Variants in RASAL2 observed in about 807,000 individuals in gnomAD.
RASAL2 encodes RAS protein activator like 2.
RASAL2 carries 58 observed loss-of-function variants against 128.9 expected under a neutral mutation model. The observed-to-expected ratio is 0.45, with a 90% CI of 0.36 to 0.56. RASAL2 has a LOEUF of 0.56. Ranked by LOEUF, RASAL2 falls within the 20% of genes least tolerant of loss-of-function variation. The pLI is 0.00. For synonymous variants in RASAL2, 561 were observed against 580.8 expected (o/e 0.97, Z 0.49); for missense variants, 1,360 against 1,601.6 (o/e 0.85, Z 2.57).
At chr1:178,267,019 TG>T (rs1180701798) in intron 1 of RASAL2, among the ~76,000 whole-genome samples, 1 of 152,128 alleles carries the variant, frequency 6.6e-6, no homozygotes, top group African/African-American at 2.4e-5. Flanking sequence ...TGGGCTTTCC[TG>T]CTAGACAAGA....
intron 3 of RASAL2, among the ~76,000 whole-genome samples, chr1:178,322,500 A>G (rs1479855352): frequency 6.6e-6 from 1 of 152,162 alleles, no homozygotes; most frequent in African/African-American, 2.4e-5. Context: ...AACTGAAGCC[A>G]TTATCTTTGA....
At chr1:178,246,203 G>A (rs951926569) in intron 1 of RASAL2, among the ~76,000 whole-genome samples, 1 of 152,156 alleles carries the variant, frequency 6.6e-6, no homozygotes, top group Admixed American at 6.5e-5. Flanking sequence ...CCATGAGCAT[G>A]GAATTTTTTT....
At chr1:178,464,628 TA>T (rs1405877911) in intron 15 of RASAL2, among the ~76,000 whole-genome samples, 2 of 150,136 alleles carry the variant, frequency 1.3e-5, no homozygotes, top group Non-Finnish European at 3.0e-5. Flanking sequence ...TTCATCTTGC[TA>T]GGGGGTGGCA....
At chr1:178,413,315 T>C (rs1459491722) in intron 4 of RASAL2, among the ~76,000 whole-genome samples, 1 of 152,192 alleles carries the variant, frequency 6.6e-6, no homozygotes, top group Non-Finnish European at 1.5e-5. Context: ...AGAGCCTAAC[T>C]GATCAGAAGG....
At chr1:178,280,489 T>C (rs1273479378) in intron 1 of RASAL2, among the ~76,000 whole-genome samples, 2 of 152,022 alleles carry the variant, frequency 1.3e-5, no homozygotes, top group East Asian at 3.9e-4. Flanking sequence ...AATATTGATA[T>C]AACCCATATA....
intron 1 of RASAL2, among the ~76,000 whole-genome samples, chr1:178,188,470 G>C (rs956604204): frequency 6.6e-6 from 1 of 152,026 alleles, no homozygotes; most frequent in African/African-American, 2.4e-5. Context: ...CATATATTTT[G>C]TCTGGTTTTC....
At chr1:178,183,993 C>CT (rs1489747297) in intron 1 of RASAL2, among the ~76,000 whole-genome samples, 1 of 152,114 alleles carries the variant, frequency 6.6e-6, no homozygotes. Flanking sequence ...TTTAGCCAGT[C>CT]TAATAGGTAT....
chr1:178,173,972 A>G (rs1424333264), intron 1 of RASAL2, among the ~76,000 whole-genome samples: 1 of 150,986 alleles, frequency 6.6e-6, no homozygotes, highest in Non-Finnish European at 1.5e-5. Context: ...CCCCACTATT[A>G]GTTATTTCCA....
At chr1:178,139,557 T>C (rs1660456732) in intron 1 of RASAL2, among the ~76,000 whole-genome samples, 1 of 152,106 alleles carries the variant, frequency 6.6e-6, no homozygotes, top group South Asian at 2.1e-4. Context: ...CACAGAGTTA[T>C]TGACAAAATA....
At chr1:178,198,706 C>T (rs564576382) in intron 1 of RASAL2, among the ~76,000 whole-genome samples, 5 of 152,218 alleles carry the variant, frequency 3.3e-5, no homozygotes, top group Non-Finnish European at 5.9e-5. Flanking sequence ...CAGAGGGGCA[C>T]CTGGTTGTAT....
At chr1:178,266,774 A>G (rs1317364212) in intron 1 of RASAL2, among the ~76,000 whole-genome samples, 1 of 152,200 alleles carries the variant, frequency 6.6e-6, no homozygotes, top group Non-Finnish European at 1.5e-5. Context: ...TTGATCAGGC[A>G]TGTCATTCAT....
chr1:178,422,447 T>C (rs1675215299), intron 5 of RASAL2, among the ~76,000 whole-genome samples: 1 of 152,134 alleles, frequency 6.6e-6, no homozygotes, highest in Admixed American at 6.5e-5. Context: ...GTAACCCTTT[T>C]AATTTATCAA....
chr1:178,137,737 C>A (rs189037392), intron 1 of RASAL2, among the ~76,000 whole-genome samples: 1 of 152,270 alleles, frequency 6.6e-6, no homozygotes, highest in African/African-American at 2.4e-5. Context: ...CTTACTGACG[C>A]TTTCAAATGG....
rs79499342 is a variant in RASAL2 at position 178,476,150 on chromosome 1, A to G, written c.*2911A>G. 3 of 152,238 alleles carry G rather than the reference A, an allele frequency of 2.0e-5. No homozygotes were observed. The highest frequency in any genetic ancestry group is 4.4e-5 in the Non-Finnish European group (3 of 68,048). The allele number at this position is 152,238 out of a possible 1,614,324, so 9.4% of individuals were successfully genotyped here. On this transcript the variant is annotated 3_prime_UTR_variant, in exon 18 of 18. Coordinates refer to ENST00000367649, the MANE Select transcript of RASAL2 (RefSeq NM_170692.4). ...TGCACTTCCTGTTTCCCTCAAAACA[A>G]CACCACATTGTGGGGCGCAGGATAG... is the stretch of plus-strand genomic sequence containing the variant.
chr1:178,160,997 T>C (rs1661269305), intron 1 of RASAL2, among the ~76,000 whole-genome samples: 3 of 152,230 alleles, frequency 2.0e-5, no homozygotes, highest in Non-Finnish European at 4.4e-5. Flanking sequence ...TGGCCTCTTC[T>C]TCCTCTTTGT....
In RASAL2 at chr1:178,131,923, A is replaced by C. The variant is rs965232502; in HGVS notation, c.202+37229A>C. On this transcript the variant is annotated intron_variant, in intron 1 of 17. Transcript: ENST00000367649. ...GAACATGGTGCAACTGTTTATCCCT[A>C]TACTAAAATTCCAATTAGGCTATTC... Among the ~76,000 whole-genome samples, 6 of 152,318 alleles carry C rather than the reference A, an allele frequency of 3.9e-5. No homozygotes were observed. The South Asian group carries it at 8.3e-4, about 21-fold the overall frequency.
At chr1:178,344,007 T>G (rs188602961) in intron 3 of RASAL2, among the ~76,000 whole-genome samples, 232 of 152,258 alleles carry the variant, frequency 1.5e-3, no homozygotes, top group African/African-American at 5.4e-3. Flanking sequence ...AGAATGGGTA[T>G]AGTGAAATGA....
chr1:178,395,771 G>GTA (rs57664965), intron 4 of RASAL2, among the ~76,000 whole-genome samples: 7,119 of 132,924 alleles, frequency 0.054, 294 homozygotes, highest in Non-Finnish European at 0.074. Flanking sequence ...TTAATGAACA[G>GTA]TATATATATA....
At chr1:178,113,275 C>T (rs6670912) in intron 1 of RASAL2, among the ~76,000 whole-genome samples, 34,034 of 151,604 alleles carry the variant, frequency 0.22, 4,346 homozygotes, top group African/African-American at 0.35. Flanking sequence ...AGATATACAA[C>T]CCTGACTTTT....
Sources: allele counts gnomAD v4.1 joint callset (sites outside exome capture counted in the v4.1 genomes callset), GRCh38; gene constraint gnomAD v4.1.1; transcripts MANE v1.5; gene names NCBI Gene and HGNC (gene_info 2026-07-23, HGNC 2026-07-21).